Variants in DCC observed in about 807,000 individuals in gnomAD.
DCC encodes the protein DCC netrin 1 receptor.
DCC carries 58 observed loss-of-function variants against 172.5 expected under a neutral mutation model. That is an observed-to-expected ratio of 0.34 (90% CI 0.27 to 0.42). The LOEUF is 0.42. Among genes scored for constraint, DCC ranks in the 10% least tolerant of loss-of-function variants. DCC has a pLI of 1.00. For synonymous variants in DCC, 709 were observed against 644.5 expected (o/e 1.10, Z -1.52); for missense variants, 1,740 against 1,791.0 (o/e 0.97, Z 0.51).
chr18:53,287,913 A>G (rs1406152101), intron 12 of DCC, among the ~76,000 whole-genome samples: 1 of 152,166 alleles, frequency 6.6e-6, no homozygotes, highest in Non-Finnish European at 1.5e-5. Context: ...TTAAAACGTT[A>G]TATTGGTATA....
chr18:52,811,585 G>C (rs529137672), intron 2 of DCC, among the ~76,000 whole-genome samples: 1 of 149,628 alleles, frequency 6.7e-6, no homozygotes, highest in South Asian at 2.2e-4. Flanking sequence ...TGAGTAACTG[G>C]TGAAAGTTTT....
intron 2 of DCC, among the ~76,000 whole-genome samples, chr18:52,857,034 T>G (rs925084231): frequency 2.6e-5 from 4 of 152,258 alleles, no homozygotes; most frequent in African/African-American, 9.6e-5. Flanking sequence ...TTCTCTTCTT[T>G]TAGCTTTTCT....
At chr18:53,001,283 G>A (rs2041561252) in intron 5 of DCC, among the ~76,000 whole-genome samples, 1 of 152,064 alleles carries the variant, frequency 6.6e-6, no homozygotes, top group Non-Finnish European at 1.5e-5. Flanking sequence ...GAGTTCATAA[G>A]TTTGTCTAAA....
At chr18:52,693,521 C>A (rs1230218709) in intron 1 of DCC, among the ~76,000 whole-genome samples, 1 of 149,718 alleles carries the variant, frequency 6.7e-6, no homozygotes, top group Non-Finnish European at 1.5e-5. Flanking sequence ...AACATATATC[C>A]CAGCTTTTCC....
At chr18:52,870,016 T>A (rs532345366) in intron 2 of DCC, among the ~76,000 whole-genome samples, 2 of 151,966 alleles carry the variant, frequency 1.3e-5, no homozygotes, top group Admixed American at 1.3e-4. Context: ...CTGGGCCCCT[T>A]TCTGTCCGCT....
intron 2 of DCC, among the ~76,000 whole-genome samples, chr18:52,787,338 T>G (rs2037678861): frequency 6.6e-6 from 1 of 152,132 alleles, no homozygotes; most frequent in South Asian, 2.1e-4. Context: ...TAATATGGCT[T>G]GATGATAAAC....
chr18:52,795,563 T>G (rs564421967), intron 2 of DCC, among the ~76,000 whole-genome samples: 2 of 152,080 alleles, frequency 1.3e-5, no homozygotes, highest in South Asian at 4.1e-4. Flanking sequence ...AGTTTTTGTT[T>G]TATTGGTTCT....
intron 1 of DCC, among the ~76,000 whole-genome samples, chr18:52,465,495 T>C (rs554085809): frequency 6.6e-6 from 1 of 152,222 alleles, no homozygotes; most frequent in African/African-American, 2.4e-5. Flanking sequence ...ATAGGCACAA[T>C]AGCCACCTCA....
intron 2 of DCC, among the ~76,000 whole-genome samples, chr18:52,753,152 G>A (rs1305152198): frequency 6.6e-6 from 1 of 152,082 alleles, no homozygotes; most frequent in African/African-American, 2.4e-5. Flanking sequence ...AAGTAGGATT[G>A]TTGTATCATA....
chr18:52,548,462 C>T (rs1568223873), intron 1 of DCC, among the ~76,000 whole-genome samples: 2 of 151,944 alleles, frequency 1.3e-5, no homozygotes, highest in African/African-American at 2.4e-5. Context: ...CTTGGTCACC[C>T]TAATTAGTCA....
intron 1 of DCC, among the ~76,000 whole-genome samples, chr18:52,412,116 T>C (rs961974501): frequency 6.6e-6 from 1 of 152,162 alleles, no homozygotes; most frequent in Non-Finnish European, 1.5e-5. Flanking sequence ...TATAATGACA[T>C]TTATATTACC....
intron 21 of DCC, among the ~76,000 whole-genome samples, chr18:53,428,326 T>TA (rs1392072115): frequency 1.1e-4 from 3 of 26,752 alleles, no homozygotes; most frequent in African/African-American, 5.1e-4. Context: ...TATAATATAA[T>TA]ATAATATATT....
intron 1 of DCC, among the ~76,000 whole-genome samples, chr18:52,546,505 A>G (rs1234094034): frequency 1.3e-5 from 2 of 152,132 alleles, no homozygotes; most frequent in African/African-American, 4.8e-5. Flanking sequence ...GACTGGGGAC[A>G]CCTATCAGAA....
chr18:53,469,880 T>C (rs189635413), intron 25 of DCC, among the ~76,000 whole-genome samples: 12 of 152,310 alleles, frequency 7.9e-5, no homozygotes, highest in African/African-American at 2.9e-4. Flanking sequence ...GCCAAGGTTG[T>C]CAATAATCTC....
intron 1 of DCC, among the ~76,000 whole-genome samples, chr18:52,585,388 A>G (rs1381651075): frequency 6.6e-6 from 1 of 152,266 alleles, no homozygotes; most frequent in Non-Finnish European, 1.5e-5. Context: ...GAGAACTCAC[A>G]TACATAAGAC....
chr18:53,208,578 T>C (rs1598907939), intron 11 of DCC, among the ~76,000 whole-genome samples: 1 of 152,138 alleles, frequency 6.6e-6, no homozygotes, highest in East Asian at 1.9e-4. Context: ...TAAGCTGATA[T>C]TAAAATTTAA....
chr18:53,190,360 A>G (rs573505379), intron 9 of DCC, among the ~76,000 whole-genome samples: 1 of 151,908 alleles, frequency 6.6e-6, no homozygotes, highest in Non-Finnish European at 1.5e-5. Flanking sequence ...GCCCAACCCA[A>G]CTCCTACATT....
intron 2 of DCC, among the ~76,000 whole-genome samples, chr18:52,833,410 G>C (rs1305408199): frequency 6.6e-6 from 1 of 152,012 alleles, no homozygotes; most frequent in Non-Finnish European, 1.5e-5. Context: ...ATGACCACTG[G>C]GATGAGGCAA....
intron 2 of DCC, among the ~76,000 whole-genome samples, chr18:52,851,714 T>TCTAGCTAAA (rs1377025377): frequency 6.6e-6 from 1 of 152,166 alleles, no homozygotes; most frequent in Non-Finnish European, 1.5e-5. Context: ...TAAATAGACA[T>TCTAGCTAAA]GCTAGAAGAG....
Sources: gnomAD v4.1 joint callset for allele counts (sites outside exome capture counted in the v4.1 genomes callset) on GRCh38, gnomAD v4.1.1 for gene constraint, MANE v1.5 for transcripts, NCBI Gene and HGNC (gene_info 2026-07-23, HGNC 2026-07-21) for gene names.